SLC7A2: variants seen among roughly 807,000 people sequenced by gnomAD.
SLC7A2 encodes the protein solute carrier family 7 member 2, also known as cationic amino acid transporter 2.
SLC7A2 carries 48 observed loss-of-function variants against 58.9 expected under a neutral mutation model. The ratio of observed to expected loss-of-function variants is 0.82; its 90% CI spans 0.65 to 1.04. The LOEUF (loss-of-function observed/expected upper bound fraction) is 1.04. Among genes scored for constraint, SLC7A2 ranks in the 50% least tolerant of loss-of-function variants. SLC7A2 has a pLI of 0.00. For missense variants in SLC7A2, 1,029 were observed against 818.8 expected (o/e 1.26, Z -3.13); for synonymous variants, 363 against 314.5 (o/e 1.15, Z -1.63).
chr8:17,554,946 T>A (rs373904220), intron 8 of SLC7A2: 1 of 1,613,602 alleles, frequency 6.2e-7, no homozygotes, highest in African/African-American at 1.3e-5. Flanking sequence ...TCTGTTCTAG[T>A]CTTCTGGGCT....
Position 17,554,685 on chromosome 8 carries a change from C to T in SLC7A2, c.1181C>T (p.Ser394Leu), listed in dbSNP as rs748996480. 15 of 1,611,224 alleles carry T rather than the reference C, an allele frequency of 9.3e-6. No homozygotes were observed. Among genetic ancestry groups the T allele is most frequent in the East Asian group, 4.5e-5 (2 of 44,764 alleles). Residue 394 changes from serine (S) to leucine (L), a missense_variant, in exon 8 of 13, where the codon TCG (serine) becomes TTG (leucine). Physicochemically the swap from Ser to Leu is moderately radical, Grantham distance 145. Coordinates refer to ENST00000494857, the MANE Select transcript of SLC7A2 (RefSeq NM_001370338.1). ...ACACCAATAATTGCTACTTTATCAT[C>T]GGGTGCAGTGGCAGGTGAGAGAGAG... is the stretch of plus-strand genomic sequence containing the variant. ...TKTPIIATLS[S>L]GAVAALMAFL... is the part of the protein sequence containing the mutation.
At chr8:17,494,962 G>T (rs1043844245), upstream of SLC7A2, among the ~76,000 whole-genome samples, 1 of 152,202 alleles carries the variant, frequency 6.6e-6, no homozygotes, top group Non-Finnish European at 1.5e-5. Flanking sequence ...TAAATTCAAA[G>T]ATCGGTATTC....
intron 2 of SLC7A2, chr8:17,520,641 T>TAAAAAAAAAAAAA (rs61512531): frequency 3.3e-5 from 2 of 60,884 alleles, no homozygotes; most frequent in Admixed American, 3.8e-4. Flanking sequence ...ACTCTGTCTT[T>TAAAAAAAAAAAAA]AAAAAAAAAA....
At chr8:17,538,588 C>T (rs548174600) in intron 2 of SLC7A2, among the ~76,000 whole-genome samples, 3 of 152,288 alleles carry the variant, frequency 2.0e-5, no homozygotes, top group South Asian at 4.1e-4. Context: ...TCCATGGTAT[C>T]ATGGCTATAT....
intron 10 of SLC7A2, among the ~76,000 whole-genome samples, chr8:17,561,498 G>A (rs535244145): frequency 6.6e-6 from 1 of 152,252 alleles, no homozygotes; most frequent in African/African-American, 2.4e-5. Context: ...TGGAAATTAT[G>A]GGAGCCACAA....
intron 1 of SLC7A2, among the ~76,000 whole-genome samples, chr8:17,501,262 C>T (rs911538797): frequency 1.3e-5 from 2 of 152,144 alleles, no homozygotes; most frequent in Admixed American, 6.5e-5. Flanking sequence ...GATCCGCCTG[C>T]CTCGGCTTTC....
chr8:17,547,849 C>T (rs943712223), intron 4 of SLC7A2, among the ~76,000 whole-genome samples: 32 of 147,614 alleles, frequency 2.2e-4, no homozygotes, highest in African/African-American at 7.9e-4. Flanking sequence ...GGGAAAAGCA[C>T]GGTTGATCTT....
In SLC7A2 at chr8:17,562,024, C is replaced by G. The variant is rs774741704; in HGVS notation, c.1585C>G (p.Leu529Val). The G allele has an allele frequency of 1.2e-6, 2 of 1,614,096 alleles. No homozygotes were observed. The highest frequency in any genetic ancestry group is 1.7e-6 in the Non-Finnish European group (2 of 1,179,996). ...ITRLEAWSLA[L>V]LALFLVLFVA... ...CAGGCTGGAGGCCTGGAGCCTCGCT[C>G]TCCTCGCGCTGTTTCTTGTTCTCTT... Residue 529 changes from leucine (L) to valine (V), a missense_variant, in exon 11 of 13, where the codon CTC becomes GTC. Physicochemically the swap from Leu to Val is conservative, Grantham distance 32 (BLOSUM62 1). Transcript: ENST00000494857.
chr8:17,538,714 C>A, intron 2 of SLC7A2: 1 of 1,301,934 alleles, frequency 7.7e-7, no homozygotes, highest in Non-Finnish European at 1.1e-6. Context: ...AGATCTAGGG[C>A]AAAAACAGTA....
intron 2 of SLC7A2, chr8:17,538,782 A>G: frequency 2.5e-6 from 4 of 1,612,712 alleles, no homozygotes; most frequent in Non-Finnish European, 3.4e-6. Flanking sequence ...ATCAGTCCCA[A>G]AACAGAAAGA....
At chr8:17,508,771 T>C (rs575846029) in intron 2 of SLC7A2, among the ~76,000 whole-genome samples, 1 of 152,184 alleles carries the variant, frequency 6.6e-6, no homozygotes, top group East Asian at 1.9e-4. Context: ...GTCAAGTGGC[T>C]GAAGATTGAA....
intron 5 of SLC7A2, among the ~76,000 whole-genome samples, chr8:17,549,490 T>C (rs541703991): frequency 2.0e-5 from 3 of 152,244 alleles, no homozygotes; most frequent in South Asian, 4.1e-4. Flanking sequence ...ATCCTAACCA[T>C]TGGAAAAACT....
chr8:17,550,321 G>A lies in SLC7A2; in HGVS notation c.719G>A (p.Gly240Glu), dbSNP rs1802386673. 6.2e-7 allele frequency: 1 copy of A among 1,613,904 alleles called. No individual in the cohort carries two copies. Among genetic ancestry groups the A allele is most frequent in the Non-Finnish European group, 8.5e-7 (1 of 1,179,982 alleles). The change falls in exon 6 of 13, where the codon GGA becomes GAA. Residue 240 changes from glycine to glutamate, a missense_variant. Physicochemically the swap from Gly to Glu is moderately conservative, Grantham distance 98. Transcript: ENST00000494857. ...CTTAGAGAGCCACCTTCTGAAAACGGAACAAGTATCTATGGGGCTGGTGGC... is the reference window on the plus strand; with the variant it reads ...CTTAGAGAGCCACCTTCTGAAAACGAAACAAGTATCTATGGGGCTGGTGGC... ...ASAREPPSEN[G>E]TSIYGAGGFM...
chr8:17,546,459 T>C (rs1802178061), intron 4 of SLC7A2, among the ~76,000 whole-genome samples: 1 of 152,220 alleles, frequency 6.6e-6, no homozygotes, highest in African/African-American at 2.4e-5. Context: ...ACACGGGAAG[T>C]GTATGCTCTG....
intron 7 of SLC7A2, among the ~76,000 whole-genome samples, chr8:17,554,268 G>A (rs1387896785): frequency 6.6e-6 from 1 of 151,978 alleles, no homozygotes; most frequent in African/African-American, 2.4e-5. Flanking sequence ...TTTTAATTTG[G>A]TAATAATTGT....
At chr8:17,504,467 T>C (rs1275400874) in intron 2 of SLC7A2, among the ~76,000 whole-genome samples, 2 of 152,230 alleles carry the variant, frequency 1.3e-5, no homozygotes, top group African/African-American at 2.4e-5. Flanking sequence ...GAGCCCATAC[T>C]TGATAGAATT....
rs151177339 is a variant in SLC7A2 at position 17,541,853 on chromosome 8, A to G, written c.-22-1465A>G. On this transcript the variant is annotated intron_variant, in intron 2 of 12. Coordinates refer to ENST00000494857, the MANE Select transcript of SLC7A2 (RefSeq NM_001370338.1). ...GTTTTGCTTTAAGTCTTTTTACTGT[A>G]ATATATGCCTATGTATTTTTTCTTA... 1.8e-4 allele frequency among the ~76,000 whole-genome samples: 27 copies of G among 152,330 alleles called. No homozygotes were observed. In the East Asian group the frequency reaches 4.8e-3, roughly 27 times the overall value.
chr8:17,537,801 A>C (rs1420793684), intron 2 of SLC7A2, among the ~76,000 whole-genome samples: 1 of 152,216 alleles, frequency 6.6e-6, no homozygotes, highest in African/African-American at 2.4e-5. Context: ...CCTGACACCC[A>C]GCTCTGGTTG....
At chr8:17,499,996 A>G (rs1219322634) in intron 1 of SLC7A2, 2 of 152,204 alleles carry the variant, frequency 1.3e-5, no homozygotes, top group African/African-American at 2.4e-5. Flanking sequence ...AAGATGTTTT[A>G]TCTGTCTTCA....
Sources: gnomAD v4.1 joint callset for allele counts (sites outside exome capture counted in the v4.1 genomes callset) on GRCh38, gnomAD v4.1.1 for gene constraint, MANE v1.5 for transcripts, NCBI Gene and HGNC (gene_info 2026-07-23, HGNC 2026-07-21) for gene names.